D2HGDH: variants seen among roughly 807,000 people sequenced by gnomAD.
D2HGDH encodes D-2-hydroxyglutarate dehydrogenase, mitochondrial.
In D2HGDH, 31 loss-of-function variants were observed where a neutral mutation model predicts 46.9. The observed-to-expected ratio is 0.66, with a 90% CI of 0.50 to 0.89. The LOEUF is 0.89. Ranked by LOEUF, D2HGDH falls within the 40% of genes least tolerant of loss-of-function variation. The probability of loss-of-function intolerance (pLI) is 0.00; values close to 1 mark genes in which losing one functional copy is unlikely to be tolerated. For missense variants in D2HGDH, 698 were observed against 720.8 expected, an observed-to-expected ratio of 0.97 and a Z score of 0.36; for synonymous variants, 364 against 332.6, an observed-to-expected ratio of 1.09 and a Z score of -1.03.
rs1698117011 is a variant in D2HGDH at position 241,755,928 on chromosome 2, C to T, written c.1220C>T (p.Pro407Leu). ...GYVYKYDLSLPVERLYDIVTD... is the reference protein window; with the variant it reads ...GYVYKYDLSLLVERLYDIVTD... Reference sequence around the variant, plus strand: ...GTGTACAAGTACGACCTCTCCCTCCCTGTGGAGCGGCTCTACGACATCGTG... The same window carrying T: ...GTGTACAAGTACGACCTCTCCCTCCTTGTGGAGCGGCTCTACGACATCGTG... The change falls in exon 9 of 10, where the codon CCT becomes CTT. Residue 407 changes from proline (P) to leucine (L), a missense_variant. Transcript: ENST00000321264. 3 of 1,612,712 alleles carry T rather than the reference C, an allele frequency of 1.9e-6. No homozygotes were observed. The highest frequency in any genetic ancestry group is 2.5e-6 in the Non-Finnish European group (3 of 1,179,372).
chr2:241,736,043 G>GC (rs1448527629), intron 2 of D2HGDH: 8 of 164,930 alleles, frequency 4.9e-5, no homozygotes, highest in Non-Finnish European at 5.3e-5. Flanking sequence ...TTACAGGCGT[G>GC]AGCCACCCCG....
At chr2:241,759,511 C>T (rs1698537055) in intron 9 of D2HGDH, among the ~76,000 whole-genome samples, 1 of 152,214 alleles carries the variant, frequency 6.6e-6, no homozygotes, top group African/African-American at 2.4e-5. Context: ...TGTTGTTTTT[C>T]CTCCGGTTAG....
intron 8 of D2HGDH, among the ~76,000 whole-genome samples, chr2:241,753,914 G>T (rs1697717510): frequency 6.6e-6 from 1 of 152,276 alleles, no homozygotes; most frequent in Non-Finnish European, 1.5e-5. Flanking sequence ...GAAGCGCCGG[G>T]GAGGAGGGCA....
chr2:241,749,490 G>A lies in D2HGDH; in HGVS notation c.854-661G>A, dbSNP rs1696724424. 5.6e-6 allele frequency: 5 copies of A among 886,424 alleles called. No homozygotes were observed. The South Asian group carries it at 7.0e-5, about 12-fold the overall frequency. 54.9% of individuals were successfully genotyped at this position (886,424 alleles called of 1,614,324 possible). A position where few individuals can be genotyped will look rare whatever the true frequency, so the allele number is the denominator to read the frequency against. On this transcript the variant is annotated intron_variant, in intron 6 of 9. Coordinates refer to ENST00000321264, the MANE Select transcript of D2HGDH (RefSeq NM_152783.5). ...GTTCCTTTCCATCTTTGCACTTGAG[G>A]GTCGGCTTCCCCAGGGCAGCGGCCT...
intron 9 of D2HGDH, among the ~76,000 whole-genome samples, chr2:241,765,271 C>A (rs1010248621): frequency 1.3e-5 from 2 of 151,944 alleles, no homozygotes; most frequent in Non-Finnish European, 2.9e-5. Context: ...GAGATGGGAG[C>A]CCCGGGCTGA....
At chr2:241,755,042 C>A in intron 8 of D2HGDH, 1 of 1,297,472 alleles carries the variant, frequency 7.7e-7, no homozygotes, top group Non-Finnish European at 1.0e-6. Context: ...CCTCATGGTG[C>A]AGATCTCCAC....
chr2:241,734,914 G>C, intron 1 of D2HGDH: 1 of 338,760 alleles, frequency 3.0e-6, no homozygotes. Flanking sequence ...GGGGTCCTGG[G>C]CAAGGTCCCG....
chr2:241,759,984 T>C (rs945162308), intron 9 of D2HGDH, among the ~76,000 whole-genome samples: 2 of 152,274 alleles, frequency 1.3e-5, no homozygotes, highest in Middle Eastern at 3.2e-3. Context: ...AGACGTTGAG[T>C]ACAGGAGATC....
chr2:241,748,807 G>A (rs886860629), intron 6 of D2HGDH: 43 of 1,168,878 alleles, frequency 3.7e-5, no homozygotes, highest in Non-Finnish European at 4.5e-5. Flanking sequence ...CATCTGGATC[G>A]GTGGTTCCTC....
chr2:241,749,346 T>G (rs1209601409), intron 6 of D2HGDH: 1 of 1,288,098 alleles, frequency 7.8e-7, no homozygotes, highest in Non-Finnish European at 1.0e-6. Context: ...CTCTGGAAAA[T>G]TCTTCTCTGA....
chr2:241,761,366 C>T (rs1698800353), intron 9 of D2HGDH, among the ~76,000 whole-genome samples: 1 of 151,992 alleles, frequency 6.6e-6, no homozygotes, highest in South Asian at 2.1e-4. Context: ...TGGTGACACC[C>T]CATCTCTACT....
chr2:241,751,719 G>A (rs759918031), intron 8 of D2HGDH, among the ~76,000 whole-genome samples: 24 of 152,242 alleles, frequency 1.6e-4, no homozygotes, highest in Admixed American at 3.9e-4. Flanking sequence ...GCATAGAGTC[G>A]TGTGGAAGGA....
At position 241,763,518 on chromosome 2, in the gene D2HGDH, G is replaced by A. The variant is rs75251843; in HGVS notation, c.1307-4192G>A. Among the ~76,000 whole-genome samples, 4 of 152,182 alleles carry A rather than the reference G, an allele frequency of 2.6e-5. No individual in the cohort carries two copies. The East Asian group carries it at 5.8e-4, about 22-fold the overall frequency. Reference sequence around the variant, plus strand: ...GCAGTGGGTGAGCGTGAGGGGTTGCGAAGGCCTAGGAGATGACCGTACTCT... The same window carrying A: ...GCAGTGGGTGAGCGTGAGGGGTTGCAAAGGCCTAGGAGATGACCGTACTCT... On this transcript the variant is annotated intron_variant, in intron 9 of 9. Coordinates refer to ENST00000321264, the MANE Select transcript of D2HGDH (RefSeq NM_152783.5).
At chr2:241,761,834 C>T (rs1267895371) in intron 9 of D2HGDH, among the ~76,000 whole-genome samples, 1 of 151,964 alleles carries the variant, frequency 6.6e-6, no homozygotes, top group East Asian at 1.9e-4. Context: ...AAATAGGTGA[C>T]GGAACAGCTC....
chr2:241,743,825 G>A lies in D2HGDH; in HGVS notation c.684+10G>A. The A allele has an allele frequency of 6.3e-7, 1 of 1,591,070 alleles. No individual in the cohort carries two copies. On this transcript the variant is annotated intron_variant, in intron 5 of 9. Coordinates refer to ENST00000321264, the MANE Select transcript of D2HGDH (RefSeq NM_152783.5). The surrounding 1 kb of genome is among the most constrained non-coding windows in gnomAD (Gnocchi z 4.8). Reference sequence around the variant, plus strand: ...CCTGGGCCTGGAAGTGGTGAGCTGGGGCAGCTGCTTGGTGCAGAGGTCGCC... The same window carrying A: ...CCTGGGCCTGGAAGTGGTGAGCTGGAGCAGCTGCTTGGTGCAGAGGTCGCC...
intron 9 of D2HGDH, among the ~76,000 whole-genome samples, chr2:241,756,705 A>G (rs1698223310): frequency 6.6e-6 from 1 of 152,148 alleles, no homozygotes; most frequent in Admixed American, 6.5e-5. Flanking sequence ...TATTTTTAGT[A>G]GAGACAGGGT....
At chr2:241,752,926 TCCCCCACGCCA>T (rs1355612453) in intron 8 of D2HGDH, among the ~76,000 whole-genome samples, 1 of 82,028 alleles carries the variant, frequency 1.2e-5, no homozygotes, top group Non-Finnish European at 2.5e-5. Context: ...CTGCACATCA[TCCCCCACGCCA>T]CCCCCAGGGC....
chr2:241,756,052 GGGT>G, intron 9 of D2HGDH, 38 bp downstream of exon 9: 1 of 1,575,296 alleles, frequency 6.3e-7, no homozygotes, highest in South Asian at 1.1e-5. Context: ...TGTGTGTGCT[GGGT>G]GGTGGGCCCC....
At chr2:241,760,848 C>G (rs1415695336) in intron 9 of D2HGDH, among the ~76,000 whole-genome samples, 1 of 152,286 alleles carries the variant, frequency 6.6e-6, no homozygotes, top group Non-Finnish European at 1.5e-5. Context: ...TTAGACTTAG[C>G]TCCCTCAGTC....
Sources: allele counts gnomAD v4.1 joint callset (sites outside exome capture counted in the v4.1 genomes callset), GRCh38; gene constraint gnomAD v4.1.1; non-coding constraint Gnocchi (gnomAD v3.1); transcripts MANE v1.5; gene names NCBI Gene and HGNC (gene_info 2026-07-23, HGNC 2026-07-21).